Variants in AQR observed in about 807,000 individuals in gnomAD.
The protein encoded by AQR is aquarius intron-binding spliceosomal factor, also known as RNA helicase aquarius.
A neutral mutation model predicts 180.5 loss-of-function variants in AQR; 61 were observed. The observed-to-expected ratio is 0.34, with a 90% confidence interval of 0.28 to 0.42. The LOEUF (loss-of-function observed/expected upper bound fraction) is 0.42, where lower values mean the gene tolerates loss of function less well. Ranked by LOEUF, AQR falls within the 10% of genes least tolerant of loss-of-function variation. AQR has a pLI of 1.00. For missense variants in AQR, 1,281 were observed against 1,798.3 expected, an observed-to-expected ratio of 0.71 and a Z score of 5.20; for synonymous variants, 551 against 588.8, an observed-to-expected ratio of 0.94 and a Z score of 0.93.
intron 13 of AQR, among the ~76,000 whole-genome samples, chr15:34,922,814 A>AT (rs1378799224): frequency 1.4e-5 from 2 of 147,772 alleles, no homozygotes; most frequent in African/African-American, 4.9e-5. Flanking sequence ...GGCCTTATCC[A>AT]TTAAAAAAAA....
intron 3 of AQR, among the ~76,000 whole-genome samples, chr15:34,959,395 T>C (rs1055012400): frequency 1.3e-5 from 2 of 152,278 alleles, no homozygotes; most frequent in East Asian, 3.9e-4. Flanking sequence ...AACTACTTAC[T>C]GGGCTTGAAC....
chr15:34,860,397 C>T (rs74009748), intron 33 of AQR, among the ~76,000 whole-genome samples: 6,534 of 149,608 alleles, frequency 0.044, 501 homozygotes, highest in African/African-American at 0.15. Flanking sequence ...CTGCTGGCCA[C>T]GTGACTCCCA....
intron 27 of AQR, among the ~76,000 whole-genome samples, chr15:34,879,855 A>G (rs1892944391): frequency 1.3e-5 from 2 of 152,156 alleles, no homozygotes; most frequent in Admixed American, 6.5e-5. Flanking sequence ...AATGAGCACC[A>G]CACAGAAAGT....
At chr15:34,897,118 C>A (rs975087898) in intron 21 of AQR, 152 bp from the exon 22 acceptor site, 17 of 641,234 alleles carry the variant, frequency 2.7e-5, no homozygotes, top group Non-Finnish European at 4.6e-5. Flanking sequence ...ACCTCTACCC[C>A]TCAACACAGA....
intron 27 of AQR, among the ~76,000 whole-genome samples, chr15:34,880,196 A>G (rs1033276953): frequency 5.3e-5 from 8 of 152,232 alleles, no homozygotes; most frequent in Non-Finnish European, 7.3e-5. Context: ...ACCTAGCCAT[A>G]ATAACTAAAT....
chr15:34,855,109 C>T lies in AQR; in HGVS notation c.*1683G>A, dbSNP rs1484234259. 1 of 152,200 alleles carries T rather than the reference C, an allele frequency of 6.6e-6. No homozygotes were observed. Among genetic ancestry groups the T allele is most frequent in the African/African-American group, 2.4e-5 (1 of 41,434 alleles). The allele number at this position is 152,200 out of a possible 1,614,324, so 9.4% of individuals were successfully genotyped here. A position where few individuals can be genotyped will look rare whatever the true frequency, so the allele number is the denominator to read the frequency against. ...CTAGTATCGCGTCCTTGGTATTTCA[C>T]TCCTCTCATCGTCTCATCACTTTCA... On this transcript the variant is annotated 3_prime_UTR_variant, in exon 35 of 35. Transcript: ENST00000156471.
intron 26 of AQR, among the ~76,000 whole-genome samples, chr15:34,884,265 G>C (rs902583574): frequency 2.0e-5 from 3 of 151,876 alleles, no homozygotes; most frequent in African/African-American, 7.3e-5. Context: ...AAATTAGCTG[G>C]GCATGGTGGT....
At chr15:34,957,996 C>T (rs1201723180) in intron 3 of AQR, among the ~76,000 whole-genome samples, 3 of 151,078 alleles carry the variant, frequency 2.0e-5, no homozygotes, top group Non-Finnish European at 4.4e-5. Context: ...ATCACAAGGT[C>T]GGGAGATCGA....
intron 4 of AQR, among the ~76,000 whole-genome samples, chr15:34,952,164 G>A (rs1198048356): frequency 6.6e-6 from 1 of 152,208 alleles, no homozygotes; most frequent in Non-Finnish European, 1.5e-5. Flanking sequence ...TCAAGGAAGT[G>A]TAGAGAAGTG....
chr15:34,900,634 A>G lies in AQR; in HGVS notation c.2231T>C (p.Ile744Thr), dbSNP rs1893317738. The G allele has an allele frequency of 6.2e-7, 1 of 1,613,770 alleles. No individual in the cohort carries two copies. Among genetic ancestry groups the G allele is most frequent in the African/African-American group, 1.3e-5 (1 of 74,910 alleles). The change falls in exon 20 of 35, where the codon ATA (isoleucine) becomes ACA (threonine). Residue 744 changes from isoleucine to threonine, a missense_variant. Transcript: ENST00000156471. ...GTTCTGACTTTACCTGAAAGGGGGT[A>G]TTTGTAGAGCAGGGTCTTCTACAGT... ...KVTVEDPALQ[I>T]PPFRITFPVR...
rs1476025465 is a variant in AQR at position 34,886,510 on chromosome 15, A to C, written c.2817+16T>G. 6.3e-7 allele frequency: 1 copy of C among 1,585,104 alleles called. No homozygotes were observed. Among genetic ancestry groups the C allele is most frequent in the East Asian group, 2.3e-5 (1 of 44,338 alleles). On this transcript the variant is annotated intron_variant, in intron 25 of 34. Coordinates refer to ENST00000156471, the MANE Select transcript of AQR (RefSeq NM_014691.3). ...TATTATGATGAAGTATGATTCAAAA[A>C]CCCTTAATATCTTACCTGGTATAAG...
chr15:34,862,841 T>C, intron 33 of AQR, 26 bp downstream of exon 33: 2 of 1,610,506 alleles, frequency 1.2e-6, no homozygotes, highest in Non-Finnish European at 1.7e-6. Context: ...GAATGCTGTT[T>C]TATAAAATGA....
intron 4 of AQR, among the ~76,000 whole-genome samples, chr15:34,948,970 C>T (rs188272179): frequency 1.2e-3 from 175 of 152,026 alleles, no homozygotes; most frequent in Admixed American, 1.8e-3. Flanking sequence ...CACCAAACCA[C>T]CGGATATTCC....
chr15:34,967,527 G>T (rs2140511964), intron 1 of AQR, among the ~76,000 whole-genome samples: 1 of 152,248 alleles, frequency 6.6e-6, no homozygotes, highest in Non-Finnish European at 1.5e-5. Context: ...CGTTTAAGTT[G>T]TCAGGAAAAG....
In AQR at chr15:34,938,755, T is replaced by A; in HGVS notation, c.700A>T (p.Lys234Ter). 1 of 1,605,780 alleles carries A rather than the reference T, an allele frequency of 6.2e-7. No individual in the cohort carries two copies. Among genetic ancestry groups the A allele is most frequent in the Non-Finnish European group, 8.5e-7 (1 of 1,173,726 alleles). The change falls in exon 9 of 35, where the codon AAA becomes TAA. Residue 234 changes from lysine (K) to a stop codon, truncating the protein, a stop_gained. Transcript: ENST00000156471. LOFTEE classifies it high-confidence loss of function. ...QLIQKFISVL[K>*]SVPLSEPVTM... ...AAGATACCAGAAAGTGGGACTGATTTCAGCACAGAGATAAACTTCTGGATG... is the reference window on the plus strand; with the variant it reads ...AAGATACCAGAAAGTGGGACTGATTACAGCACAGAGATAAACTTCTGGATG...
At chr15:34,943,376 G>C (rs781095147) in intron 6 of AQR, 63 of 1,417,934 alleles carry the variant, frequency 4.4e-5, no homozygotes, top group Middle Eastern at 4.2e-4. Context: ...AGAAGAGAAA[G>C]GGCCAAGTGA....
chr15:34,875,854 C>T, intron 28 of AQR, 81 bp downstream of exon 28: 1 of 1,113,548 alleles, frequency 9.0e-7, no homozygotes, highest in East Asian at 2.4e-5. Flanking sequence ...AATCAGCACA[C>T]CCAAACTGTA....
chr15:34,956,417 G>C (rs566869179), intron 3 of AQR, among the ~76,000 whole-genome samples: 55 of 152,184 alleles, frequency 3.6e-4, no homozygotes, highest in African/African-American at 1.3e-3. Context: ...TTGGGAGGCC[G>C]AGGTGGGCGG....
In AQR at chr15:34,905,887, A is replaced by C. The variant is rs528705919; in HGVS notation, c.1831+658T>G. ...CTCTGTCTCTACTAAAAATACAAAA[A>C]TTAGCCAGGCGCGGTGGCAGGCACC... is the stretch of plus-strand genomic sequence containing the variant. On this transcript the variant is annotated intron_variant, in intron 18 of 34. Coordinates refer to ENST00000156471, the MANE Select transcript of AQR (RefSeq NM_014691.3). Among the ~76,000 whole-genome samples the C allele has an allele frequency of 4.6e-5, 7 of 152,042 alleles. No individual in the cohort carries two copies. The South Asian group carries it at 1.5e-3, about 32-fold the overall frequency.
Sources: allele counts gnomAD v4.1 joint callset (sites outside exome capture counted in the v4.1 genomes callset), GRCh38; gene constraint gnomAD v4.1.1; transcripts MANE v1.5; gene names NCBI Gene and HGNC (gene_info 2026-07-23, HGNC 2026-07-21).